The following KCNT2 variants were observed in gnomAD, a reference collection of about 807,000 sequenced individuals.
KCNT2 encodes the protein potassium channel subfamily T member 2.
A neutral mutation model predicts 153.8 loss-of-function variants in KCNT2; 67 were observed. The ratio of observed to expected loss-of-function variants is 0.44; its 90% CI spans 0.36 to 0.53. The LOEUF (loss-of-function observed/expected upper bound fraction) is 0.53. Ranked by LOEUF, KCNT2 falls within the 20% of genes least tolerant of loss-of-function variation. KCNT2 has a pLI of 0.00. For missense variants in KCNT2, 975 were observed against 1,354.8 expected (o/e 0.72, Z 4.40); for synonymous variants, 500 against 458.8 (o/e 1.09, Z -1.15).
chr1:196,381,381 A>T (rs1240338100), intron 13 of KCNT2, among the ~76,000 whole-genome samples: 1 of 152,038 alleles, frequency 6.6e-6, no homozygotes, highest in Non-Finnish European at 1.5e-5. Flanking sequence ...TCAGCTTCTG[A>T]TAGTATCGAA....
intron 12 of KCNT2, among the ~76,000 whole-genome samples, chr1:196,406,138 TAGAC>T (rs1671811459): frequency 2.6e-5 from 4 of 151,436 alleles, no homozygotes; most frequent in African/African-American, 9.7e-5. Context: ...GTCTAATATG[TAGAC>T]TGTTAAAAAG....
At chr1:196,405,485 G>A (rs1051813315) in intron 12 of KCNT2, among the ~76,000 whole-genome samples, 6 of 151,214 alleles carry the variant, frequency 4.0e-5, no homozygotes, top group African/African-American at 1.5e-4. Flanking sequence ...TTGTTCTAAG[G>A]ACTTACAATA....
chr1:196,404,015 G>C, intron 12 of KCNT2: 1 of 210,008 alleles, frequency 4.8e-6, no homozygotes, highest in Non-Finnish European at 8.3e-6. Context: ...CCATGCACTT[G>C]GTTACCCTTT....
rs146755479 is a variant in KCNT2 at position 196,298,564 on chromosome 1, G to A, written c.2595+6670C>T. Among the ~76,000 whole-genome samples the A allele has an allele frequency of 9.1e-3, 1,390 of 152,068 alleles. 8 individuals are homozygous for A. The highest frequency in any genetic ancestry group is 0.013 in the Non-Finnish European group (910 of 67,990). Reference sequence around the variant, plus strand: ...ATTCTCTCAGGACGTCAACATGTTCGCCAACCGGGAAGCAATCCAAGCCTT... The same window carrying A: ...ATTCTCTCAGGACGTCAACATGTTCACCAACCGGGAAGCAATCCAAGCCTT... On this transcript the variant is annotated intron_variant, in intron 22 of 27. Coordinates refer to ENST00000294725, the MANE Select transcript of KCNT2 (RefSeq NM_198503.5).
chr1:196,418,470 G>GAACAAC (rs554472403), intron 12 of KCNT2, among the ~76,000 whole-genome samples: 8,634 of 151,784 alleles, frequency 0.057, 380 homozygotes, highest in Non-Finnish European at 0.085. Flanking sequence ...CAAGTCTCAA[G>GAACAAC]AACAACAACA....
intron 19 of KCNT2, among the ~76,000 whole-genome samples, chr1:196,326,275 A>G (rs1201155085): frequency 6.6e-6 from 1 of 152,114 alleles, no homozygotes; most frequent in African/African-American, 2.4e-5. Flanking sequence ...CAGTCATAAT[A>G]ACCTCTGATG....
At chr1:196,410,293 T>G (rs1332773823) in intron 12 of KCNT2, among the ~76,000 whole-genome samples, 2 of 151,648 alleles carry the variant, frequency 1.3e-5, no homozygotes, top group African/African-American at 2.4e-5. Flanking sequence ...CACTTTGATT[T>G]TGTCCTTTGC....
At chr1:196,375,019 A>T (rs971298659) in intron 13 of KCNT2, among the ~76,000 whole-genome samples, 2 of 151,808 alleles carry the variant, frequency 1.3e-5, no homozygotes, top group Non-Finnish European at 3.0e-5. Context: ...GGGGAATGTG[A>T]GAAAATGTGA....
intron 14 of KCNT2, among the ~76,000 whole-genome samples, chr1:196,353,973 C>T (rs573045054): frequency 1.5e-4 from 23 of 152,010 alleles, no homozygotes; most frequent in Admixed American, 3.3e-4. Flanking sequence ...ATATGCTGTA[C>T]TACCCTGTTC....
intron 25 of KCNT2, among the ~76,000 whole-genome samples, chr1:196,269,452 C>A (rs966020584): frequency 1.2e-4 from 18 of 151,988 alleles, no homozygotes; most frequent in African/African-American, 4.4e-4. Context: ...GTATTATAGT[C>A]CAGAAGTTTA....
intron 1 of KCNT2, among the ~76,000 whole-genome samples, chr1:196,578,582 G>T (rs1661649554): frequency 1.3e-5 from 2 of 152,148 alleles, no homozygotes; most frequent in African/African-American, 4.8e-5. Context: ...TCTACCTACT[G>T]CAGGGGCTAT....
intron 11 of KCNT2, among the ~76,000 whole-genome samples, chr1:196,423,483 G>A (rs1034870994): frequency 2.6e-5 from 4 of 151,718 alleles, no homozygotes; most frequent in Admixed American, 1.3e-4. Context: ...ATCAAACTAA[G>A]AGGGGTGGAA....
chr1:196,479,618 C>T (rs1017820105), intron 4 of KCNT2, among the ~76,000 whole-genome samples: 2 of 151,734 alleles, frequency 1.3e-5, no homozygotes, highest in Non-Finnish European at 2.9e-5. Flanking sequence ...GCAATGTTGT[C>T]CAGGCTGGTC....
At chr1:196,549,190 C>T (rs1246949133) in intron 1 of KCNT2, among the ~76,000 whole-genome samples, 2 of 151,850 alleles carry the variant, frequency 1.3e-5, no homozygotes, top group Non-Finnish European at 2.9e-5. Flanking sequence ...TTCTGTTACT[C>T]AATAAAATGT....
At chr1:196,513,633 T>G (rs573467038) in intron 1 of KCNT2, among the ~76,000 whole-genome samples, 4 of 152,206 alleles carry the variant, frequency 2.6e-5, no homozygotes, top group African/African-American at 9.6e-5. Flanking sequence ...GCCTTGTCCT[T>G]CTTCCTTCAG....
intron 13 of KCNT2, among the ~76,000 whole-genome samples, chr1:196,396,738 T>C (rs1205602891): frequency 1.3e-5 from 2 of 151,572 alleles, no homozygotes; most frequent in East Asian, 1.9e-4. Context: ...AGATAAATGG[T>C]TGGGATAGAA....
At chr1:196,347,519 T>C (rs1427310355) in intron 14 of KCNT2, among the ~76,000 whole-genome samples, 1 of 152,200 alleles carries the variant, frequency 6.6e-6, no homozygotes, top group African/African-American at 2.4e-5. Context: ...TTGTTTCCAG[T>C]GAATGCTTTC....
intron 25 of KCNT2, among the ~76,000 whole-genome samples, chr1:196,267,990 T>C (rs1159948642): frequency 1.6e-4 from 24 of 152,138 alleles, no homozygotes; most frequent in Non-Finnish European, 1.5e-5. Context: ...GATGGTGGTA[T>C]TGTGTTAAAT....
intron 8 of KCNT2, 66 bp downstream of exon 8, chr1:196,465,227 T>C (rs1572547067): frequency 4.8e-6 from 4 of 838,996 alleles, no homozygotes; most frequent in Middle Eastern, 3.4e-4. Context: ...TTATTTATAA[T>C]ATGGTTTCCT....
Sources: allele counts gnomAD v4.1 joint callset (sites outside exome capture counted in the v4.1 genomes callset), GRCh38; gene constraint gnomAD v4.1.1; transcripts MANE v1.5; gene names NCBI Gene and HGNC (gene_info 2026-07-23, HGNC 2026-07-21).